VPS37A: variants seen among roughly 807,000 people sequenced by gnomAD.
VPS37A encodes vacuolar protein sorting-associated protein 37A.
A neutral mutation model predicts 49.8 loss-of-function variants in VPS37A; 30 were observed. The observed-to-expected ratio is 0.60, with a 90% CI of 0.45 to 0.82. The LOEUF (loss-of-function observed/expected upper bound fraction) is 0.82, where lower values mean the gene tolerates loss of function less well. Ranked by LOEUF, VPS37A falls within the 40% of genes least tolerant of loss-of-function variation. The pLI is 0.00. For missense variants in VPS37A, 593 were observed against 464.4 expected (o/e 1.28, Z -2.55); for synonymous variants, 195 against 160.6 (o/e 1.21, Z -1.62).
At chr8:17,269,799 G>T (rs1813808573) in intron 4 of VPS37A, among the ~76,000 whole-genome samples, 1 of 152,064 alleles carries the variant, frequency 6.6e-6, no homozygotes, top group African/African-American at 2.4e-5. Flanking sequence ...CTGCCTTCCA[G>T]TAGCTTCCTG....
intron 11 of VPS37A, among the ~76,000 whole-genome samples, chr8:17,290,763 C>G (rs774725920): frequency 2.0e-5 from 3 of 152,128 alleles, no homozygotes; most frequent in Non-Finnish European, 4.4e-5. Context: ...GTACCAGCTT[C>G]TCTTTGTACC....
the VPS37A span, among the ~76,000 whole-genome samples, chr8:17,327,734 A>T: frequency 1.3e-5 from 2 of 152,148 alleles, no homozygotes; most frequent in Non-Finnish European, 2.9e-5. Flanking sequence ...GTTTTACCAC[A>T]TTCTTTTGAG....
intron 5 of VPS37A, 85 bp downstream of exon 5, chr8:17,275,043 G>A (rs753806748): frequency 1.6e-6 from 2 of 1,257,490 alleles, no homozygotes; most frequent in Non-Finnish European, 2.2e-6. Context: ...CTGTGTGCCA[G>A]ATAATAAGTT....
At chr8:17,315,434 G>A in the VPS37A span, among the ~76,000 whole-genome samples, 1 of 152,070 alleles carries the variant, frequency 6.6e-6, no homozygotes, top group South Asian at 2.1e-4. Context: ...CCCACAGAAT[G>A]TCCAACAGCA....
chr8:17,306,847 GAAAC>G (rs1434282209), downstream of VPS37A, among the ~76,000 whole-genome samples: 435 of 152,246 alleles, frequency 2.9e-3, 3 homozygotes, highest in African/African-American at 0.01. Context: ...GTAGAAAGCT[GAAAC>G]TGGATCCCTT....
chr8:17,324,639 T>C, the VPS37A span, among the ~76,000 whole-genome samples: 1 of 152,214 alleles, frequency 6.6e-6, no homozygotes, highest in South Asian at 2.1e-4. Flanking sequence ...AATGACCATG[T>C]CGATAGCCAG....
chr8:17,246,985 C>A lies in VPS37A; in HGVS notation c.-260C>A. 1 of 491,070 alleles carries A rather than the reference C, an allele frequency of 2.0e-6. No homozygotes were observed. The highest frequency in any genetic ancestry group is 2.0e-5 in the African/African-American group (1 of 48,994). 30.4% of individuals were successfully genotyped at this position (491,070 alleles called of 1,614,324 possible). Reference sequence around the variant, plus strand: ...TGGGCGGCCAGGCTCCCTGGCTGGCCGGTTTGGGCGTCTGGGCCGTGAAGG... The same window carrying A: ...TGGGCGGCCAGGCTCCCTGGCTGGCAGGTTTGGGCGTCTGGGCCGTGAAGG... On this transcript the variant is annotated 5_prime_UTR_variant, in exon 1 of 12. Coordinates refer to ENST00000324849, the MANE Select transcript of VPS37A (RefSeq NM_152415.3).
intron 1 of VPS37A, among the ~76,000 whole-genome samples, chr8:17,265,150 C>T (rs1029737425): frequency 6.6e-6 from 1 of 152,168 alleles, no homozygotes; most frequent in Admixed American, 6.5e-5. Context: ...CTTCAATTCT[C>T]AGAGTCACTC....
chr8:17,256,290 ATT>A (rs529736602), intron 1 of VPS37A, among the ~76,000 whole-genome samples: 9 of 60,400 alleles, frequency 1.5e-4, no homozygotes, highest in East Asian at 6.8e-4. Flanking sequence ...GGGTAAAATG[ATT>A]TTTTTTTTTT....
chr8:17,268,742 CA>C, intron 3 of VPS37A, 113 bp from the exon 4 acceptor site: 2 of 727,614 alleles, frequency 2.7e-6, no homozygotes, highest in Non-Finnish European at 4.5e-6. Flanking sequence ...TATCCTTTTT[CA>C]TTTAATTCTT....
the VPS37A span, among the ~76,000 whole-genome samples, chr8:17,324,386 T>A: frequency 1.3e-5 from 2 of 152,228 alleles, no homozygotes; most frequent in African/African-American, 2.4e-5. Flanking sequence ...ATCTTCAGAT[T>A]GGAAACAGTG....
chr8:17,256,387 A>C (rs140419238), intron 1 of VPS37A, among the ~76,000 whole-genome samples: 39 of 134,232 alleles, frequency 2.9e-4, no homozygotes, highest in Non-Finnish European at 5.1e-4. Flanking sequence ...GTCCCACTTC[A>C]GTCTTGCACG....
chr8:17,270,804 C>T (rs948895840), intron 4 of VPS37A, among the ~76,000 whole-genome samples: 1 of 152,192 alleles, frequency 6.6e-6, no homozygotes, highest in African/African-American at 2.4e-5. Flanking sequence ...TCCCCAAGAA[C>T]TTGCAGAGTT....
chr8:17,283,289 A>G (rs1051294679), intron 9 of VPS37A, among the ~76,000 whole-genome samples: 2 of 151,840 alleles, frequency 1.3e-5, no homozygotes, highest in Non-Finnish European at 2.9e-5. Flanking sequence ...CCAAGTAGCC[A>G]AGGCTACAGG....
At chr8:17,252,098 T>C (rs1383227652) in intron 1 of VPS37A, among the ~76,000 whole-genome samples, 2 of 152,256 alleles carry the variant, frequency 1.3e-5, no homozygotes, top group Non-Finnish European at 2.9e-5. Flanking sequence ...TCGCATGTTA[T>C]ATATTTTTAT....
intron 1 of VPS37A, among the ~76,000 whole-genome samples, chr8:17,263,590 AATT>A (rs1350286138): frequency 6.6e-6 from 1 of 152,206 alleles, no homozygotes; most frequent in Non-Finnish European, 1.5e-5. Context: ...ATTTCTAACC[AATT>A]ATTTAGATAA....
intron 1 of VPS37A, among the ~76,000 whole-genome samples, chr8:17,262,273 C>G (rs890295857): frequency 1.3e-5 from 2 of 152,084 alleles, no homozygotes; most frequent in Non-Finnish European, 2.9e-5. Flanking sequence ...TTTTCTGTGA[C>G]ATTAAGTGAA....
Position 17,253,761 on chromosome 8 carries a change from T to TA in VPS37A, c.125+6399dup, listed in dbSNP as rs550697617. On this transcript the variant is annotated intron_variant, in intron 1 of 11. Coordinates refer to ENST00000324849, the MANE Select transcript of VPS37A (RefSeq NM_152415.3). ...TCTCAGTCATTATCATGTGTTCTAT[T>TA]AAAAAAATGTGAAATAAGTGCTCCA... 2.0e-5 allele frequency among the ~76,000 whole-genome samples: 3 copies of TA among 152,254 alleles called. No homozygotes were observed. In the South Asian group the frequency reaches 6.2e-4, roughly 32 times the overall value.
chr8:17,263,966 A>T (rs1339090765), intron 1 of VPS37A, among the ~76,000 whole-genome samples: 2 of 152,130 alleles, frequency 1.3e-5, no homozygotes, highest in Non-Finnish European at 2.9e-5. Context: ...AAACTTTAAT[A>T]CTATAAATCT....
Sources: allele counts gnomAD v4.1 joint callset (sites outside exome capture counted in the v4.1 genomes callset), GRCh38; gene constraint gnomAD v4.1.1; transcripts MANE v1.5; gene names NCBI Gene and HGNC (gene_info 2026-07-23, HGNC 2026-07-21).